Variants in SLC7A14 observed in about 807,000 individuals in gnomAD.
SLC7A14 encodes the protein gamma-aminobutyric acid transporter SLC7A14.
Under a neutral mutation model 60.2 loss-of-function variants are expected in SLC7A14, and 37 were observed. The observed-to-expected ratio is 0.61, with a 90% CI of 0.47 to 0.81. SLC7A14 has a LOEUF of 0.81. Ranked by LOEUF, SLC7A14 falls within the 30% of genes least tolerant of loss-of-function variation. SLC7A14 has a pLI of 0.00. For missense variants in SLC7A14, 886 were observed against 982.7 expected (o/e 0.90, Z 1.32); for synonymous variants, 399 against 395.8 (o/e 1.01, Z -0.10).
chr3:170,526,998 G>T lies in SLC7A14; in HGVS notation c.-62C>A. On this transcript the variant is annotated 5_prime_UTR_variant, in exon 2 of 8. Transcript: ENST00000231706. Reference sequence around the variant, plus strand: ...GGAAGGGGGCTACAAAGCCTTAGTGGATGGTTCTGGAACTCATCTAGTGAA... The same window carrying T: ...GGAAGGGGGCTACAAAGCCTTAGTGTATGGTTCTGGAACTCATCTAGTGAA... 1.3e-6 allele frequency: 2 copies of T among 1,520,870 alleles called. No homozygotes were observed. The highest frequency in any genetic ancestry group is 1.8e-6 in the Non-Finnish European group (2 of 1,129,656). The allele number at this position is 1,520,870 out of a possible 1,614,324, so 94.2% of individuals were successfully genotyped here.
Position 170,464,987 on chromosome 3 carries a change from A to T in SLC7A14, c.*2068T>A, listed in dbSNP as rs554814259. On this transcript the variant is annotated 3_prime_UTR_variant, in exon 8 of 8. Transcript: ENST00000231706. ...GCCAATTCAAAACTTTGTTTTCAAA[A>T]GATGACTGATAATTAGTTTATAATT... The T allele has an allele frequency of 6.6e-6, 1 of 152,376 alleles. No individual in the cohort carries two copies. Among genetic ancestry groups the T allele is most frequent in the Admixed American group, 6.5e-5 (1 of 15,296 alleles). The allele number at this position is 152,376 out of a possible 1,614,324, so 9.4% of individuals were successfully genotyped here. A position where few individuals can be genotyped will look rare whatever the true frequency, so the allele number is the denominator to read the frequency against.
At chr3:170,474,551 CG>C (rs2108265675) in intron 7 of SLC7A14, among the ~76,000 whole-genome samples, 1 of 152,210 alleles carries the variant, frequency 6.6e-6, no homozygotes, top group African/African-American at 2.4e-5. Context: ...TGGAAGAGCC[CG>C]TTTTTTTTTC....
chr3:170,496,254 T>C (rs1211207290), intron 4 of SLC7A14: 2 of 952,310 alleles, frequency 2.1e-6, no homozygotes, highest in Non-Finnish European at 3.5e-6. Flanking sequence ...CAACCGCAGC[T>C]GGGCTGAGGC....
At chr3:170,516,587 AAAATAAAT>A (rs1274324549) in intron 2 of SLC7A14, among the ~76,000 whole-genome samples, 4 of 151,740 alleles carry the variant, frequency 2.6e-5, no homozygotes, top group African/African-American at 9.7e-5. Context: ...ACAATAAAAT[AAAATAAAT>A]AAATAAAGAA....
In SLC7A14 at chr3:170,489,071, C is replaced by G. The variant is rs553662272; in HGVS notation, c.760-2703G>C. Among the ~76,000 whole-genome samples, 19 of 152,302 alleles carry G rather than the reference C, an allele frequency of 1.2e-4. 2 individuals carry two copies. Among genetic ancestry groups the G allele is most frequent in the African/African-American group, 4.6e-4 (19 of 41,550 alleles). ...GGGCAAACATTTCTTGAGCAATACC[C>G]CACAAGCACAGGCAGCCAAAGCAAA... On this transcript the variant is annotated intron_variant, in intron 4 of 7. Coordinates refer to ENST00000231706, the MANE Select transcript of SLC7A14 (RefSeq NM_020949.3).
chr3:170,551,200 A>C (rs1714339609), intron 1 of SLC7A14, among the ~76,000 whole-genome samples: 1 of 152,226 alleles, frequency 6.6e-6, no homozygotes, highest in Non-Finnish European at 1.5e-5. Context: ...GTCAAAGTTC[A>C]TCCATGTTGT....
intron 1 of SLC7A14, among the ~76,000 whole-genome samples, chr3:170,533,751 G>C (rs551801747): frequency 6.6e-6 from 1 of 152,140 alleles, no homozygotes; most frequent in Non-Finnish European, 1.5e-5. Flanking sequence ...GTTGGTGCCT[G>C]ACAAATTCAC....
chr3:170,533,002 A>G (rs1051741504), intron 1 of SLC7A14, among the ~76,000 whole-genome samples: 6 of 152,144 alleles, frequency 3.9e-5, no homozygotes, highest in African/African-American at 1.2e-4. Flanking sequence ...TTTTTTCCCC[A>G]AGATGCACAC....
At chr3:170,511,078 C>G (rs1291589319) in intron 2 of SLC7A14, among the ~76,000 whole-genome samples, 2 of 152,186 alleles carry the variant, frequency 1.3e-5, no homozygotes, top group Admixed American at 1.3e-4. Flanking sequence ...TCACTTTGCT[C>G]AGTGCCTGGG....
At chr3:170,509,284 C>A (rs1712890422) in intron 2 of SLC7A14, among the ~76,000 whole-genome samples, 2 of 152,162 alleles carry the variant, frequency 1.3e-5, no homozygotes, top group African/African-American at 4.8e-5. Context: ...TGGACAGTAA[C>A]CACCTGTGTT....
intron 2 of SLC7A14, among the ~76,000 whole-genome samples, chr3:170,511,196 G>A (rs1344469754): frequency 2.0e-5 from 3 of 152,066 alleles, no homozygotes; most frequent in Non-Finnish European, 4.4e-5. Flanking sequence ...TCGGGAGTTC[G>A]AGACCAGCCT....
chr3:170,517,585 T>C (rs1230577192), intron 2 of SLC7A14, among the ~76,000 whole-genome samples: 2 of 152,198 alleles, frequency 1.3e-5, no homozygotes, highest in African/African-American at 2.4e-5. Flanking sequence ...TCAGACTATA[T>C]AGACTGAGTC....
chr3:170,508,356 C>T (rs1023230269), intron 2 of SLC7A14, among the ~76,000 whole-genome samples: 4 of 152,232 alleles, frequency 2.6e-5, no homozygotes, highest in Non-Finnish European at 4.4e-5. Flanking sequence ...TCAGCAACAA[C>T]TGGAGCGTTG....
intron 2 of SLC7A14, among the ~76,000 whole-genome samples, chr3:170,524,083 G>A (rs1015069499): frequency 6.6e-6 from 1 of 152,106 alleles, no homozygotes; most frequent in African/African-American, 2.4e-5. Context: ...TTTTCTTCTT[G>A]TGCTTGGTGC....
chr3:170,473,657 C>A (rs1711514393), intron 7 of SLC7A14, among the ~76,000 whole-genome samples: 1 of 152,162 alleles, frequency 6.6e-6, no homozygotes, highest in Non-Finnish European at 1.5e-5. Flanking sequence ...TCCTTCCCAC[C>A]CCCACCTCAA....
At chr3:170,554,386 C>A (rs557808273) in intron 1 of SLC7A14, among the ~76,000 whole-genome samples, 2 of 152,292 alleles carry the variant, frequency 1.3e-5, no homozygotes, top group South Asian at 4.1e-4. Context: ...TTTATTAATT[C>A]ACATTTTGTC....
At chr3:170,474,187 G>A (rs1711537362) in intron 7 of SLC7A14, among the ~76,000 whole-genome samples, 1 of 152,194 alleles carries the variant, frequency 6.6e-6, no homozygotes, top group African/African-American at 2.4e-5. Flanking sequence ...AAGCAACAAT[G>A]GGCGTGAATC....
chr3:170,572,298 G>A (rs1161339781), intron 1 of SLC7A14, among the ~76,000 whole-genome samples: 1 of 152,166 alleles, frequency 6.6e-6, no homozygotes, highest in East Asian at 1.9e-4. Context: ...GTGTCAGATG[G>A]CATGGTCTTT....
At chr3:170,568,561 C>A (rs1225239612) in intron 1 of SLC7A14, among the ~76,000 whole-genome samples, 1 of 152,144 alleles carries the variant, frequency 6.6e-6, no homozygotes, top group African/African-American at 2.4e-5. Context: ...TCATTGGTAG[C>A]TTGATGGGGA....
Sources: gnomAD v4.1 joint callset for allele counts (sites outside exome capture counted in the v4.1 genomes callset) on GRCh38, gnomAD v4.1.1 for gene constraint, MANE v1.5 for transcripts, NCBI Gene and HGNC (gene_info 2026-07-23, HGNC 2026-07-21) for gene names.